MAST2: variants seen among roughly 807,000 people sequenced by gnomAD.
The protein encoded by MAST2 is microtubule-associated serine/threonine-protein kinase 2.
MAST2 carries 70 observed loss-of-function variants against 147.4 expected under a neutral mutation model. The observed-to-expected ratio is 0.47, with a 90% CI of 0.39 to 0.58. MAST2 has a LOEUF of 0.58. Among genes scored for constraint, MAST2 ranks in the 20% least tolerant of loss-of-function variants. MAST2 has a pLI of 0.00. For missense variants in MAST2, 2,080 were observed against 2,302.3 expected (o/e 0.90, Z 1.98); for synonymous variants, 869 against 896.8 (o/e 0.97, Z 0.55).
chr1:46,030,808 C>T (rs772788179), intron 22 of MAST2, 47 bp downstream of exon 22: 7 of 1,519,374 alleles, frequency 4.6e-6, no homozygotes, highest in Non-Finnish European at 6.2e-6. Flanking sequence ...GCTATCCCTG[C>T]ATTGTCACAG....
In MAST2 at chr1:45,997,793, C is replaced by T. The variant is rs1367162548; in HGVS notation, c.662C>T (p.Ala221Val). The change falls in exon 6 of 29, where the codon GCC becomes GTC. Residue 221 changes from alanine to valine, a missense_variant. By Grantham distance (64) the Ala-to-Val change is moderately conservative (BLOSUM62 0). This residue lies in a region of MAST2 where 569 missense variants were observed against 642.5 expected (regional missense o/e 0.89). Transcript: ENST00000361297. The part of the protein sequence containing the change: ...NAPAHFSFVP[A>V]RRTDGRRWSL... The stretch of plus-strand genomic sequence containing the variant: ...CCTGCTCACTTTTCTTTTGTTCCTG[C>T]CCGTAGGTAAGTTGATAGGAAACCT... 1 of 1,613,890 alleles carries T rather than the reference C, an allele frequency of 6.2e-7. No homozygotes were observed. The highest frequency in any genetic ancestry group is 1.3e-5 in the African/African-American group (1 of 74,910).
chr1:45,839,543 C>CT (rs1250270473), intron 3 of MAST2, among the ~76,000 whole-genome samples: 3 of 152,100 alleles, frequency 2.0e-5, no homozygotes, highest in African/African-American at 7.2e-5. Flanking sequence ...GAAATGCTGG[C>CT]TTACAGGCAT....
At chr1:45,969,375 C>T (rs138992409) in intron 5 of MAST2, among the ~76,000 whole-genome samples, 39 of 152,266 alleles carry the variant, frequency 2.6e-4, no homozygotes, top group East Asian at 1.5e-3. Context: ...CCCTGGGCCA[C>T]GGACCGGTAC....
At chr1:45,949,491 GA>G (rs1658607278) in intron 4 of MAST2, among the ~76,000 whole-genome samples, 1 of 152,156 alleles carries the variant, frequency 6.6e-6, no homozygotes, top group African/African-American at 2.4e-5. Context: ...GAGCATTAGA[GA>G]ACTGCAAATC....
At chr1:46,017,462 C>T (rs1646000329) in intron 10 of MAST2, among the ~76,000 whole-genome samples, 1 of 151,918 alleles carries the variant, frequency 6.6e-6, no homozygotes, top group Non-Finnish European at 1.5e-5. Flanking sequence ...CTACAATGAA[C>T]TCAAATTTAC....
At chr1:45,939,264 G>T (rs1334537014) in intron 4 of MAST2, among the ~76,000 whole-genome samples, 2 of 151,980 alleles carry the variant, frequency 1.3e-5, no homozygotes, top group Non-Finnish European at 2.9e-5. Flanking sequence ...CGCTGGAAAG[G>T]GTATCCTTCT....
intron 4 of MAST2, among the ~76,000 whole-genome samples, chr1:45,894,516 A>G (rs1311511137): frequency 6.6e-6 from 1 of 152,214 alleles, no homozygotes; most frequent in East Asian, 1.9e-4. Flanking sequence ...TTTTCTAGCA[A>G]GACACAAAAT....
At chr1:45,850,682 T>C (rs1371118998) in intron 3 of MAST2, among the ~76,000 whole-genome samples, 1 of 152,172 alleles carries the variant, frequency 6.6e-6, no homozygotes, top group Non-Finnish European at 1.5e-5. Context: ...CCTAGCCAGC[T>C]ATCCCAGCAC....
At chr1:45,962,607 G>A (rs550769128) in intron 5 of MAST2, among the ~76,000 whole-genome samples, 1 of 151,236 alleles carries the variant, frequency 6.6e-6, no homozygotes, top group Admixed American at 6.6e-5. Flanking sequence ...CGCCCACTTT[G>A]TGATGGGGTT....
intron 4 of MAST2, among the ~76,000 whole-genome samples, chr1:45,889,693 C>G (rs1040494071): frequency 2.6e-5 from 4 of 151,932 alleles, no homozygotes; most frequent in Admixed American, 2.0e-4. Context: ...GCAACCTCCA[C>G]CTCCTGGGTT....
Position 46,034,990 on chromosome 1 carries a change from C to T in MAST2, c.4321C>T (p.Leu1441=). ...GCCCCACTCTGAACTAAAGAAGGAA[C>T]TGCCGCCCAGGGAAGTGAGCCCTCT... ...DLPHSELKKE[L]PPREVSPLEV... is the part of the protein sequence containing the mutation. The change falls in exon 29 of 29, where the codon CTG becomes TTG. Residue 1441 remains leucine (L), a synonymous_variant. Coordinates refer to ENST00000361297, the MANE Select transcript of MAST2 (RefSeq NM_015112.3). 5 of 1,614,110 alleles carry T rather than the reference C, an allele frequency of 3.1e-6. No individual in the cohort carries two copies. The highest frequency in any genetic ancestry group is 4.2e-6 in the Non-Finnish European group (5 of 1,180,046).
chr1:46,015,437 TAAAG>T (rs886833429), intron 10 of MAST2, among the ~76,000 whole-genome samples: 164 of 151,774 alleles, frequency 1.1e-3, no homozygotes, highest in Non-Finnish European at 1.4e-3. Context: ...CCAAGACTAA[TAAAG>T]AAGAAAAGAG....
chr1:45,813,476 G>A (rs1644363004), intron 1 of MAST2, among the ~76,000 whole-genome samples: 1 of 149,864 alleles, frequency 6.7e-6, no homozygotes, highest in Non-Finnish European at 1.5e-5. Flanking sequence ...ATTACAGGCA[G>A]CCGCCACCAC....
Position 46,027,733 on chromosome 1 carries a change from T to C in MAST2, c.1922T>C (p.Leu641Pro). The C allele has an allele frequency of 6.2e-7, 1 of 1,608,212 alleles. No individual in the cohort carries two copies. Among genetic ancestry groups the C allele is most frequent in the African/African-American group, 1.3e-5 (1 of 74,742 alleles). The change falls in exon 17 of 29, where the codon CTC becomes CCC. Residue 641 changes from leucine to proline, a missense_variant and splice_region_variant. Physicochemically the swap from Leu to Pro is moderately conservative, Grantham distance 98. Transcript: ENST00000361297. ...ATTTTATTTCTTCGTTCTTCCAGCC[T>C]CCTAATTACATCCATGGGGCACATC... ...IVHRDLKPDN[L>P]LITSMGHIKL...
intron 3 of MAST2, chr1:45,847,063 G>T: frequency 2.3e-6 from 1 of 431,548 alleles, no homozygotes; most frequent in South Asian, 1.9e-5. Context: ...ACTAAATCTT[G>T]GTCTGTAGTT....
Position 45,833,591 on chromosome 1 carries a change from A to G in MAST2, c.468+4010A>G, listed in dbSNP as rs748903153. 2.8e-4 allele frequency among the ~76,000 whole-genome samples: 42 copies of G among 152,298 alleles called. 1 individual carries two copies. The Middle Eastern group carries it at 0.034, about 123-fold the overall frequency. On this transcript the variant is annotated intron_variant, in intron 3 of 28. Coordinates refer to ENST00000361297, the MANE Select transcript of MAST2 (RefSeq NM_015112.3). Reference sequence around the variant, plus strand: ...TATGATAACTGTATTTAATCATTTGAAGAACTTTGATTTCTCTACATCCTT... The same window carrying G: ...TATGATAACTGTATTTAATCATTTGGAGAACTTTGATTTCTCTACATCCTT...
intron 4 of MAST2, among the ~76,000 whole-genome samples, chr1:45,945,254 T>C (rs1657861663): frequency 6.6e-6 from 1 of 152,154 alleles, no homozygotes; most frequent in Non-Finnish European, 1.5e-5. Context: ...TGGACTGAGA[T>C]TGCACCACTG....
chr1:46,031,417 T>G lies in MAST2; in HGVS notation c.3019T>G (p.Ser1007Ala). ...TATGGAGACCCGAGGCCGTGGGACC[T>G]CACAGCTGGCTGAGGGAGCCACAGC... ...PAMETRGRGT[S>A]QLAEGATAKA... Residue 1007 changes from serine to alanine, a missense_variant, in exon 24 of 29, where the codon TCA (serine) becomes GCA (alanine). Transcript: ENST00000361297. This position sits in a 1 kb window ranked among gnomAD's most constrained non-coding sequence, Gnocchi z 4.1. 1.9e-6 allele frequency: 3 copies of G among 1,613,814 alleles called. No homozygotes were observed. The highest frequency in any genetic ancestry group is 1.7e-6 in the Non-Finnish European group (2 of 1,179,828).
At position 45,824,417 on chromosome 1, in the gene MAST2, C is replaced by CT. The variant is rs986914740; in HGVS notation, c.178-11dup. On this transcript the variant is annotated splice_polypyrimidine_tract_variant and intron_variant, in intron 1 of 28. Transcript: ENST00000361297. ...AGATATTAAAGACTCATGTTTTACT[C>CT]TTTTTCTCTTTGAAGGATGTAGTAA... 2 of 1,576,724 alleles carry CT rather than the reference C, an allele frequency of 1.3e-6. No homozygotes were observed. The highest frequency in any genetic ancestry group is 8.6e-7 in the Non-Finnish European group (1 of 1,157,884).
Sources: gnomAD v4.1 joint callset for allele counts (sites outside exome capture counted in the v4.1 genomes callset) on GRCh38, gnomAD v4.1.1 for gene constraint, gnomAD v4.1.1 regional missense constraint, Gnocchi (gnomAD v3.1) non-coding constraint, MANE v1.5 for transcripts, NCBI Gene and HGNC (gene_info 2026-07-23, HGNC 2026-07-21) for gene names.